The following LINGO1 variants were observed in gnomAD, a reference collection of about 807,000 sequenced individuals.
LINGO1 encodes the protein leucine rich repeat and Ig domain containing 1, also known as leucine-rich repeat and immunoglobulin-like domain-containing nogo receptor-interacting protein 1.
LINGO1 carries 11 observed loss-of-function variants against 37.3 expected under a neutral mutation model. That is an observed-to-expected ratio of 0.29 (90% confidence interval 0.19 to 0.49). LINGO1 has a LOEUF of 0.49. Among genes scored for constraint, LINGO1 ranks in the 20% least tolerant of loss-of-function variants. The pLI is 0.99. For synonymous variants in LINGO1, 387 were observed against 403.0 expected, an observed-to-expected ratio of 0.96 and a Z score of 0.48; for missense variants, 585 against 878.2, an observed-to-expected ratio of 0.67 and a Z score of 4.22.
chr15:77,623,845 T>TGA (rs2073999889), intron 1 of LINGO1, among the ~76,000 whole-genome samples: 1 of 150,674 alleles, frequency 6.6e-6, no homozygotes, highest in Non-Finnish European at 1.5e-5. Flanking sequence ...TGTGTGTGTG[T>TGA]GAGTGGCCTG....
intron 1 of LINGO1, among the ~76,000 whole-genome samples, chr15:77,621,929 C>G (rs767081356): frequency 6.6e-6 from 1 of 152,230 alleles, no homozygotes; most frequent in Non-Finnish European, 1.5e-5. Context: ...GGCATGCGAT[C>G]TGGCATGGAG....
chr15:77,788,504 A>G (rs987295415), upstream of LINGO1: 1 of 152,196 alleles, frequency 6.6e-6, no homozygotes, highest in African/African-American at 2.4e-5. Flanking sequence ...GTCTGGCTCC[A>G]GAGTGGTCAT....
intron 2 of LINGO1, among the ~76,000 whole-genome samples, chr15:77,722,193 C>T (rs375011089): frequency 1.2e-5 from 1 of 84,132 alleles, no homozygotes; most frequent in African/African-American, 4.2e-5. Flanking sequence ...TTTAAATGGC[C>T]CGGTAAAGCT....
At chr15:77,813,105 C>T (rs1332886743) in intron 1 of LINGO1, among the ~76,000 whole-genome samples, 1 of 152,340 alleles carries the variant, frequency 6.6e-6, no homozygotes, top group East Asian at 1.9e-4. Flanking sequence ...AAAGACAAAC[C>T]GCCCCCAGGC....
chr15:77,680,588 G>A (rs1169528695), intron 2 of LINGO1, among the ~76,000 whole-genome samples: 1 of 152,164 alleles, frequency 6.6e-6, no homozygotes, highest in Admixed American at 6.5e-5. Flanking sequence ...GGCTCCACCT[G>A]CAGGACCTTC....
chr15:77,613,979 G>T lies in LINGO1; in HGVS notation c.*65C>A. ...GGAGGTGGGAAGGACTGGAGAGTGA[G>T]CAGGTGGCGGCCAGGCCCCTTCCCC... On this transcript the variant is annotated 3_prime_UTR_variant, in exon 2 of 2. Coordinates refer to ENST00000355300, the MANE Select transcript of LINGO1 (RefSeq NM_032808.7). The T allele has an allele frequency of 7.8e-7, 1 of 1,285,378 alleles. No homozygotes were observed. The highest frequency in any genetic ancestry group is 1.1e-6 in the Non-Finnish European group (1 of 931,536). 79.6% of individuals were successfully genotyped at this position (1,285,378 alleles called of 1,614,324 possible). A position where few individuals can be genotyped will look rare whatever the true frequency, so the allele number is the denominator to read the frequency against.
At chr15:77,805,288 C>T (rs2076950958) in intron 1 of LINGO1, among the ~76,000 whole-genome samples, 1 of 152,210 alleles carries the variant, frequency 6.6e-6, no homozygotes, top group South Asian at 2.1e-4. Flanking sequence ...ACAAAAATTG[C>T]CCTCCTACTC....
intron 1 of LINGO1, among the ~76,000 whole-genome samples, chr15:77,807,029 C>T (rs544828846): frequency 1.3e-5 from 2 of 152,230 alleles, no homozygotes; most frequent in Non-Finnish European, 2.9e-5. Flanking sequence ...AGCCTCGGCT[C>T]CAGCCACACC....
At chr15:77,664,166 T>TGCGCGCGC (rs1225533245) in intron 3 of LINGO1, among the ~76,000 whole-genome samples, 4,691 of 122,702 alleles carry the variant, frequency 0.038, 101 homozygotes, top group Middle Eastern at 0.073. Context: ...TGTGTGTGTG[T>TGCGCGCGC]GTGTGCGCGC....
At chr15:77,684,014 C>T (rs1006870521) in intron 2 of LINGO1, among the ~76,000 whole-genome samples, 2 of 152,140 alleles carry the variant, frequency 1.3e-5, no homozygotes, top group African/African-American at 2.4e-5. Flanking sequence ...CTTACATGTC[C>T]CCCAAGCTGC....
chr15:77,799,818 G>C (rs889586967), intron 1 of LINGO1, among the ~76,000 whole-genome samples: 2 of 152,014 alleles, frequency 1.3e-5, no homozygotes, highest in African/African-American at 2.4e-5. Context: ...TTTTTTTGAG[G>C]GATGGGGCTG....
At chr15:77,749,697 C>G (rs2076351829) in intron 1 of LINGO1, among the ~76,000 whole-genome samples, 1 of 152,244 alleles carries the variant, frequency 6.6e-6, no homozygotes, top group Non-Finnish European at 1.5e-5. Flanking sequence ...AGACCACCCT[C>G]CAACCCAACT....
chr15:77,681,070 C>T (rs980505265), intron 2 of LINGO1, among the ~76,000 whole-genome samples: 1 of 152,048 alleles, frequency 6.6e-6, no homozygotes, highest in African/African-American at 2.4e-5. Flanking sequence ...ATCCACCCAC[C>T]AAGAATCAAC....
Position 77,614,074 on chromosome 15 carries a change from C to G in LINGO1, c.1833G>C (p.Ala611=), listed in dbSNP as rs757015152. 8.1e-6 allele frequency: 13 copies of G among 1,606,766 alleles called. No homozygotes were observed. Among genetic ancestry groups the G allele is most frequent in the Non-Finnish European group, 1.1e-5 (13 of 1,176,424 alleles). The change falls in exon 2 of 2, where the codon GCG becomes GCC. Residue 611 remains alanine (A), a synonymous_variant. Coordinates refer to ENST00000355300, the MANE Select transcript of LINGO1 (RefSeq NM_032808.7). ...TCATCTTCATGTTGAACTTGCGGGG[C>G]GCGTCGGCGGAGCTGATGCCTGCGT... ...KSDAGISSAD[A]PRKFNMKMI is the part of the protein sequence containing the mutation.
chr15:77,766,811 G>A (rs2076534746), intron 1 of LINGO1, among the ~76,000 whole-genome samples: 1 of 152,134 alleles, frequency 6.6e-6, no homozygotes, highest in African/African-American at 2.4e-5. Flanking sequence ...ATAGCAGTGT[G>A]AGAATGGACC....
At chr15:77,780,250 G>C (rs1240924697) in intron 1 of LINGO1, among the ~76,000 whole-genome samples, 1 of 152,174 alleles carries the variant, frequency 6.6e-6, no homozygotes, top group Non-Finnish European at 1.5e-5. Flanking sequence ...GAGCAGGCCA[G>C]GGGAGTTGAG....
intron 1 of LINGO1, among the ~76,000 whole-genome samples, chr15:77,626,882 C>G (rs556138874): frequency 5.4e-4 from 83 of 152,304 alleles, no homozygotes; most frequent in African/African-American, 1.6e-3. Context: ...ATCTACACCT[C>G]AGTAGCCCCT....
At chr15:77,668,184 GTGGGGTAGC>G (rs2075174466) in intron 3 of LINGO1, 1 of 152,378 alleles carries the variant, frequency 6.6e-6, no homozygotes, top group Admixed American at 6.5e-5. Context: ...GAGGAGACAC[GTGGGGTAGC>G]TGAGCAACTG....
intron 3 of LINGO1, among the ~76,000 whole-genome samples, chr15:77,647,491 T>G (rs1596043524): frequency 6.6e-6 from 1 of 150,934 alleles, no homozygotes. Flanking sequence ...AGAGAGGGGG[T>G]CAAACATTCT....
Sources: gnomAD v4.1 joint callset for allele counts (sites outside exome capture counted in the v4.1 genomes callset) on GRCh38, gnomAD v4.1.1 for gene constraint, MANE v1.5 for transcripts, NCBI Gene and HGNC (gene_info 2026-07-23, HGNC 2026-07-21) for gene names.